MALRD1: variants seen among roughly 807,000 people sequenced by gnomAD.
MALRD1 encodes the protein MAM and LDL-receptor class A domain-containing protein 1.
A neutral mutation model predicts 242.1 loss-of-function variants in MALRD1; 247 were observed. The observed-to-expected ratio is 1.02, with a 90% confidence interval of 0.92 to 1.13. The LOEUF is 1.13. Ranked by LOEUF, MALRD1 falls within the 50% of genes most tolerant of loss-of-function variation. MALRD1 has a pLI of 0.00. For synonymous variants in MALRD1, 995 were observed against 866.6 expected (o/e 1.15, Z -2.60); for missense variants, 2,989 against 2,533.1 (o/e 1.18, Z -3.86).
At chr10:19,284,557 C>T (rs1299425447) in intron 21 of MALRD1, among the ~76,000 whole-genome samples, 3 of 151,408 alleles carry the variant, frequency 2.0e-5, no homozygotes, top group African/African-American at 7.3e-5. Context: ...CAGTTTCATC[C>T]ATGTCCCTAC....
At chr10:19,498,398 T>C (rs1837818624) in intron 30 of MALRD1, 87 bp from the exon 31 acceptor site, 1 of 1,147,424 alleles carries the variant, frequency 8.7e-7, no homozygotes, top group Non-Finnish European at 1.2e-6. Flanking sequence ...AATATGCAGA[T>C]ACTAATTTTA....
chr10:19,555,513 A>G (rs1317613142), intron 32 of MALRD1, among the ~76,000 whole-genome samples: 1 of 152,164 alleles, frequency 6.6e-6, no homozygotes, highest in African/African-American at 2.4e-5. Context: ...AGAAAAAGTC[A>G]TGTGAAGCTG....
intron 21 of MALRD1, 106 bp downstream of exon 21, chr10:19,283,287 C>T (rs1183735972): frequency 1.0e-6 from 1 of 954,610 alleles, no homozygotes; most frequent in South Asian, 4.8e-5. Flanking sequence ...ACTGTAAAGA[C>T]AAATGTTAAG....
chr10:19,152,677 A>G (rs894776731), intron 11 of MALRD1, among the ~76,000 whole-genome samples: 34 of 152,130 alleles, frequency 2.2e-4, no homozygotes, highest in African/African-American at 8.0e-4. Context: ...ATCTGTTTCC[A>G]TTTAGCTTAC....
chr10:19,682,870 A>T (rs1344394615), intron 36 of MALRD1, among the ~76,000 whole-genome samples: 2 of 152,150 alleles, frequency 1.3e-5, no homozygotes, highest in African/African-American at 2.4e-5. Flanking sequence ...AGCCCTTCTG[A>T]TGGGATAGAA....
At chr10:19,519,130 C>T (rs1401082028) in intron 31 of MALRD1, among the ~76,000 whole-genome samples, 1 of 151,976 alleles carries the variant, frequency 6.6e-6, no homozygotes, top group Non-Finnish European at 1.5e-5. Flanking sequence ...TTCTAATTTT[C>T]TTTCATTGTC....
At chr10:19,376,905 G>T (rs1055517132) in intron 26 of MALRD1, among the ~76,000 whole-genome samples, 1 of 152,090 alleles carries the variant, frequency 6.6e-6, no homozygotes, top group African/African-American at 2.4e-5. Flanking sequence ...TTTGTAAAAA[G>T]ACTGTTGCAC....
At chr10:19,192,077 A>G (rs956135997) in intron 14 of MALRD1, among the ~76,000 whole-genome samples, 21 of 152,188 alleles carry the variant, frequency 1.4e-4, no homozygotes, top group African/African-American at 5.1e-4. Context: ...GAAATAAGCC[A>G]GTCACAAAAA....
chr10:19,555,643 G>A (rs1310447680), intron 32 of MALRD1, among the ~76,000 whole-genome samples: 1 of 152,034 alleles, frequency 6.6e-6, no homozygotes, highest in Non-Finnish European at 1.5e-5. Flanking sequence ...CAGAGCTTGA[G>A]AAAACGTCTA....
intron 33 of MALRD1, among the ~76,000 whole-genome samples, chr10:19,576,100 A>G (rs1048175542): frequency 1.3e-5 from 2 of 152,336 alleles, no homozygotes; most frequent in Admixed American, 6.5e-5. Flanking sequence ...AACCCAAACC[A>G]AGGACATGAG....
intron 31 of MALRD1, among the ~76,000 whole-genome samples, chr10:19,508,012 AG>A (rs1833218615): frequency 6.7e-6 from 1 of 150,372 alleles, no homozygotes; most frequent in Admixed American, 6.7e-5. Flanking sequence ...ATTGTAGCAA[AG>A]GGGGAAAGAA....
rs541137422 is a variant in MALRD1, at chr10:19,676,554, T to C, written c.6138-15728T>C. ...TAATGATTCCTTTAAGTTTGAATAA[T>C]GCAGCCAAATGTGTTCTCCCCATTA... On this transcript the variant is annotated intron_variant, in intron 36 of 39. Coordinates refer to ENST00000454679, the MANE Select transcript of MALRD1 (RefSeq NM_001142308.3). 7.2e-4 allele frequency among the ~76,000 whole-genome samples: 110 copies of C among 152,346 alleles called. 1 individual carries two copies. Among genetic ancestry groups the C allele is most frequent in the African/African-American group, 2.5e-3 (103 of 41,578 alleles).
At chr10:19,279,485 A>G (rs553174197) in intron 19 of MALRD1, among the ~76,000 whole-genome samples, 1 of 152,338 alleles carries the variant, frequency 6.6e-6, no homozygotes, top group East Asian at 1.9e-4. Flanking sequence ...TGAATAACTA[A>G]TAAATCAGTC....
intron 32 of MALRD1, among the ~76,000 whole-genome samples, chr10:19,563,482 A>G (rs1378064196): frequency 6.6e-6 from 1 of 152,190 alleles, no homozygotes; most frequent in African/African-American, 2.4e-5. Flanking sequence ...CCCTTTTAGA[A>G]CAGCTGAGTG....
chr10:19,660,529 G>A (rs1054148037), intron 36 of MALRD1, among the ~76,000 whole-genome samples: 1 of 152,094 alleles, frequency 6.6e-6, no homozygotes, highest in East Asian at 1.9e-4. Flanking sequence ...ACAGTCATCA[G>A]GCACCATGTT....
At chr10:19,418,245 A>G (rs1833585512) in intron 28 of MALRD1, among the ~76,000 whole-genome samples, 1 of 151,862 alleles carries the variant, frequency 6.6e-6, no homozygotes, top group Non-Finnish European at 1.5e-5. Flanking sequence ...TAGCTAGATA[A>G]TAGATCAAAT....
intron 36 of MALRD1, among the ~76,000 whole-genome samples, chr10:19,679,286 C>T (rs1453813363): frequency 1.3e-5 from 2 of 152,068 alleles, no homozygotes; most frequent in East Asian, 1.9e-4. Flanking sequence ...TTCAACTGGT[C>T]GTGGGCTTTT....
intron 19 of MALRD1, among the ~76,000 whole-genome samples, chr10:19,271,536 G>A (rs755261082): frequency 1.9e-4 from 29 of 152,068 alleles, no homozygotes; most frequent in South Asian, 6.2e-4. Flanking sequence ...AGGCCGAGGC[G>A]GGCAGATCAC....
chr10:19,694,790 C>A (rs200797831), intron 38 of MALRD1, among the ~76,000 whole-genome samples: 1 of 152,134 alleles, frequency 6.6e-6, no homozygotes, highest in East Asian at 1.9e-4. Context: ...TATTGCGGCA[C>A]TATTCACAAT....
Sources: allele counts gnomAD v4.1 joint callset (sites outside exome capture counted in the v4.1 genomes callset), GRCh38; gene constraint gnomAD v4.1.1; transcripts MANE v1.5; gene names NCBI Gene and HGNC (gene_info 2026-07-23, HGNC 2026-07-21).